Variants in FGGY observed in about 807,000 individuals in gnomAD.
FGGY encodes FGGY carbohydrate kinase domain containing.
Under a neutral mutation model 71.3 loss-of-function variants are expected in FGGY, and 72 were observed. The observed-to-expected ratio is 1.01, with a 90% CI of 0.84 to 1.23. FGGY has a LOEUF of 1.23. Among genes scored for constraint, FGGY ranks in the 50% most tolerant of loss-of-function variants. FGGY has a pLI of 0.00. For missense variants in FGGY, 668 were observed against 682.3 expected, an observed-to-expected ratio of 0.98 and a Z score of 0.23; for synonymous variants, 251 against 250.3, an observed-to-expected ratio of 1.00 and a Z score of -0.02.
intron 11 of FGGY, among the ~76,000 whole-genome samples, chr1:59,643,081 A>T (rs984601208): frequency 6.6e-6 from 1 of 151,968 alleles, no homozygotes; most frequent in African/African-American, 2.4e-5. Flanking sequence ...AGAAAAAAAT[A>T]CCATTGTGAA....
At chr1:59,450,245 G>A (rs370475640) in intron 5 of FGGY, among the ~76,000 whole-genome samples, 348 of 151,986 alleles carry the variant, frequency 2.3e-3, no homozygotes, top group Middle Eastern at 0.02. Context: ...TATCACAGTC[G>A]ACCTTAAAAT....
At chr1:59,653,292 T>C (rs2097184077) in intron 11 of FGGY, among the ~76,000 whole-genome samples, 1 of 152,248 alleles carries the variant, frequency 6.6e-6, no homozygotes, top group Non-Finnish European at 1.5e-5. Context: ...CAGTTCGAGC[T>C]TTTGGGCTGC....
chr1:59,517,321 A>G (rs2094689505), intron 7 of FGGY, among the ~76,000 whole-genome samples: 1 of 125,684 alleles, frequency 8.0e-6, no homozygotes, highest in African/African-American at 3.1e-5. Context: ...GCTGGAGTGC[A>G]GTGGCGGGAT....
chr1:59,351,199 G>A (rs1187226981), intron 4 of FGGY, among the ~76,000 whole-genome samples: 1 of 152,208 alleles, frequency 6.6e-6, no homozygotes, highest in East Asian at 1.9e-4. Flanking sequence ...TGACAGCTGA[G>A]TAGTTGAGAC....
intron 8 of FGGY, among the ~76,000 whole-genome samples, chr1:59,585,954 C>A (rs567657789): frequency 1.6e-4 from 24 of 152,260 alleles, no homozygotes; most frequent in African/African-American, 5.8e-4. Context: ...CAAATCAAAA[C>A]CACAATGAGA....
At chr1:59,549,377 G>T (rs542123237) in intron 7 of FGGY, among the ~76,000 whole-genome samples, 70 of 152,286 alleles carry the variant, frequency 4.6e-4, no homozygotes, top group African/African-American at 1.6e-3. Context: ...CTTCAGAGAA[G>T]GTGCCTGAGG....
intron 14 of FGGY, among the ~76,000 whole-genome samples, chr1:59,675,901 T>C (rs1332718931): frequency 6.6e-6 from 1 of 152,146 alleles, no homozygotes; most frequent in Admixed American, 6.5e-5. Flanking sequence ...GATGAAATCA[T>C]GAGGGCAGGA....
intron 6 of FGGY, among the ~76,000 whole-genome samples, chr1:59,501,835 A>G (rs1305404056): frequency 1.3e-5 from 2 of 152,160 alleles, no homozygotes; most frequent in African/African-American, 4.8e-5. Context: ...AAAAGCATAT[A>G]TCTCCACATG....
intron 5 of FGGY, among the ~76,000 whole-genome samples, chr1:59,409,601 TATATA>T (rs2063303836): frequency 3.0e-4 from 17 of 57,288 alleles, no homozygotes; most frequent in Admixed American, 1.5e-3. Flanking sequence ...GAGTTTTTTA[TATATA>T]TATATATATA....
intron 2 of FGGY, among the ~76,000 whole-genome samples, chr1:59,336,713 A>T: frequency 6.6e-6 from 1 of 151,880 alleles, no homozygotes; most frequent in Admixed American, 6.6e-5. Context: ...CTCATTGTTC[A>T]ACTCCCACTT....
chr1:59,424,524 C>T (rs922800216), intron 5 of FGGY, among the ~76,000 whole-genome samples: 7 of 151,752 alleles, frequency 4.6e-5, no homozygotes, highest in Non-Finnish European at 5.9e-5. Flanking sequence ...TCCAGCCTGG[C>T]GACAGAGTGA....
At chr1:59,636,344 G>A (rs562172298) in intron 10 of FGGY, among the ~76,000 whole-genome samples, 3 of 152,198 alleles carry the variant, frequency 2.0e-5, no homozygotes, top group East Asian at 1.9e-4. Flanking sequence ...TCTACTGGAC[G>A]GGTGTGGTGG....
intron 15 of FGGY, among the ~76,000 whole-genome samples, chr1:59,760,372 G>T (rs911572067): frequency 2.0e-5 from 3 of 152,162 alleles, no homozygotes; most frequent in African/African-American, 7.2e-5. Context: ...CGCTGCTGCA[G>T]AAAACACTAT....
chr1:59,340,021 C>G lies in FGGY; in HGVS notation c.265C>G (p.Leu89Val). 1 of 1,613,378 alleles carries G rather than the reference C, an allele frequency of 6.2e-7. No homozygotes were observed. Among genetic ancestry groups the G allele is most frequent in the Non-Finnish European group, 8.5e-7 (1 of 1,179,614 alleles). ...RGLGFDATCS[L>V]VVLDKQFHPL... ...ACTTGGGTTTGATGCCACGTGTTCT[C>G]TGGTTGTTTTGGATAAGCAGTTTCA... Residue 89 changes from leucine (L) to valine (V), a missense_variant, in exon 3 of 16, where the codon CTG becomes GTG. Physicochemically the swap from Leu to Val is conservative, Grantham distance 32 (BLOSUM62 1). Around this residue, in one of 2 missense-constraint regions of FGGY, gnomAD observed 661 missense variants for 661.6 expected, o/e 1.00. Transcript: ENST00000303721.
intron 4 of FGGY, among the ~76,000 whole-genome samples, chr1:59,356,765 A>T (rs1211277455): frequency 6.6e-6 from 1 of 152,110 alleles, no homozygotes; most frequent in Non-Finnish European, 1.5e-5. Flanking sequence ...ATGAGATTTG[A>T]GCATTACTGT....
chr1:59,479,378 C>G lies in FGGY; in HGVS notation c.670+22302C>G, dbSNP rs1382637479. Among the ~76,000 whole-genome samples the G allele has an allele frequency of 2.6e-5, 4 of 152,088 alleles. No individual in the cohort carries two copies. The South Asian group carries it at 8.3e-4, about 32-fold the overall frequency. On this transcript the variant is annotated intron_variant, in intron 6 of 15. Transcript: ENST00000303721. ...TTGATTGTTGGAAGATGGAGATTTG[C>G]TTGAGCATGTCTGATTGCTGATAAG...
intron 5 of FGGY, among the ~76,000 whole-genome samples, chr1:59,392,054 G>A (rs1047519552): frequency 6.6e-6 from 1 of 152,022 alleles, no homozygotes; most frequent in African/African-American, 2.4e-5. Flanking sequence ...AATTTTAAGG[G>A]GTACATTCCT....
chr1:59,473,297 C>T (rs889413521), intron 6 of FGGY, among the ~76,000 whole-genome samples: 1 of 151,576 alleles, frequency 6.6e-6, no homozygotes, highest in Non-Finnish European at 1.5e-5. Context: ...TAACACTCAC[C>T]GCGAAGGTCC....
chr1:59,741,545 C>G (rs1018640131), intron 14 of FGGY, among the ~76,000 whole-genome samples: 12 of 152,262 alleles, frequency 7.9e-5, no homozygotes, highest in African/African-American at 2.6e-4. Flanking sequence ...TCAGGTATTT[C>G]TTTATAGCAG....
Sources: allele counts gnomAD v4.1 joint callset (sites outside exome capture counted in the v4.1 genomes callset), GRCh38; gene constraint gnomAD v4.1.1; regional missense constraint gnomAD v4.1.1; transcripts MANE v1.5; gene names NCBI Gene and HGNC (gene_info 2026-07-23, HGNC 2026-07-21).